Variants in RADX observed in about 807,000 individuals in gnomAD.
The protein encoded by RADX is RPA-related protein RADX.
A neutral mutation model predicts 61.6 loss-of-function variants in RADX; 36 were observed. That is an observed-to-expected ratio of 0.58 (90% CI 0.45 to 0.77). The LOEUF is 0.77. Among genes scored for constraint, RADX ranks in the 30% least tolerant of loss-of-function variants. The pLI, the probability that RADX is intolerant of heterozygous loss-of-function variation, is 0.00. For missense variants in RADX, 497 were observed against 651.1 expected (o/e 0.76, Z 2.58); for synonymous variants, 272 against 237.9 (o/e 1.14, Z -1.32).
chrX:106,631,554 C>CA (rs1211727803), intron 3 of RADX, among the ~76,000 whole-genome samples: 5 of 108,025 alleles, frequency 4.6e-5, no homozygotes, highest in Non-Finnish European at 7.7e-5. Flanking sequence ...CCAAAAATTA[C>CA]AAAAATTAGC....
At chrX:106,623,163 A>G (rs759801403) in intron 2 of RADX, among the ~76,000 whole-genome samples, 1 of 111,221 alleles carries the variant, frequency 9.0e-6, no homozygotes, top group East Asian at 2.8e-4. Flanking sequence ...TCTATTCCCT[A>G]TCTTTCTCTT....
chrX:106,643,396 T>A (rs1327959805), intron 10 of RADX, among the ~76,000 whole-genome samples: 1 of 111,357 alleles, frequency 9.0e-6, no homozygotes, highest in African/African-American at 3.3e-5. Flanking sequence ...ACTCAAGAAA[T>A]TTTTGCCCAG....
At chrX:106,655,120 A>G (rs1436588331) in intron 11 of RADX, among the ~76,000 whole-genome samples, 1 of 111,117 alleles carries the variant, frequency 9.0e-6, no homozygotes, top group Admixed American at 9.6e-5. Flanking sequence ...TACATATAAA[A>G]GTTATGTTTA....
chrX:106,621,827 T>C (rs183485271), intron 1 of RADX, among the ~76,000 whole-genome samples: 33 of 110,312 alleles, frequency 3.0e-4, no homozygotes, highest in African/African-American at 1.1e-3. Context: ...AAGGTCCTGA[T>C]ACAGGGCCAT....
At chrX:106,623,348 C>T (rs1926999073) in intron 2 of RADX, among the ~76,000 whole-genome samples, 1 of 111,850 alleles carries the variant, frequency 8.9e-6, no homozygotes, top group Non-Finnish European at 1.9e-5. Context: ...ATATAATGCT[C>T]ATGAGCTCTA....
chrX:106,668,969 G>T (rs1453185333), intron 12 of RADX, among the ~76,000 whole-genome samples, 194 bp from the exon 13 acceptor site: 1 of 111,919 alleles, frequency 8.9e-6, no homozygotes, highest in Non-Finnish European at 1.9e-5. Flanking sequence ...GGTTGCACTG[G>T]AGTGTCTACT....
chrX:106,639,278 C>T, intron 8 of RADX: 1 of 273,803 alleles, frequency 3.7e-6, no homozygotes, highest in Non-Finnish European at 6.4e-6. Context: ...ATGTAAATTG[C>T]ATTTAATATG....
At chrX:106,648,655 A>G (rs1002959101) in intron 11 of RADX, among the ~76,000 whole-genome samples, 2 of 111,404 alleles carry the variant, frequency 1.8e-5, no homozygotes, top group African/African-American at 6.5e-5. Context: ...ATAGAAGAAT[A>G]AGTAGGAAGT....
At chrX:106,667,504 TG>T (rs769464509) in intron 12 of RADX, among the ~76,000 whole-genome samples, 8 of 109,932 alleles carry the variant, frequency 7.3e-5, no homozygotes, top group Non-Finnish European at 1.1e-4. Flanking sequence ...ATTGTATTTT[TG>T]GTAGAGACAG....
At chrX:106,623,405 A>G (rs1179855214) in intron 2 of RADX, among the ~76,000 whole-genome samples, 2 of 111,432 alleles carry the variant, frequency 1.8e-5, no homozygotes, top group African/African-American at 6.5e-5. Flanking sequence ...TTAATATTAT[A>G]TTGTACTTTC....
At chrX:106,653,606 A>G (rs1212028712) in intron 11 of RADX, among the ~76,000 whole-genome samples, 1 of 109,625 alleles carries the variant, frequency 9.1e-6, no homozygotes, top group African/African-American at 3.3e-5. Context: ...TTACATAGGT[A>G]TATACGTGCC....
chrX:106,633,102 C>A lies in RADX; in HGVS notation c.1181-28C>A. ...TTCATATGTATATAACAGTTACCTT[C>A]ATTTATTTTAATATTCTATCCATAT... On this transcript the variant is annotated intron_variant, in intron 5 of 13. Transcript: ENST00000372548. 4 of 1,183,733 alleles carry A rather than the reference C, an allele frequency of 3.4e-6. No homozygotes were observed. The South Asian group carries it at 5.4e-5, about 16-fold the overall frequency.
At chrX:106,670,451 A>G (rs967764290) in intron 13 of RADX, among the ~76,000 whole-genome samples, 37 of 110,432 alleles carry the variant, frequency 3.4e-4, no homozygotes, top group Non-Finnish European at 2.1e-4. Context: ...TAGTGCCAGT[A>G]TTCTTCCAGT....
chrX:106,654,251 A>G (rs1181835933), intron 11 of RADX, among the ~76,000 whole-genome samples: 1 of 111,190 alleles, frequency 9.0e-6, no homozygotes. Context: ...ATGGTATCTC[A>G]TTATGGTTTT....
At chrX:106,630,429 G>A (rs1178662002) in intron 3 of RADX, among the ~76,000 whole-genome samples, 2 of 109,859 alleles carry the variant, frequency 1.8e-5, no homozygotes, top group Non-Finnish European at 3.8e-5. Flanking sequence ...GTAAAAGTTA[G>A]ATACATTCCT....
chrX:106,632,551 T>C, intron 3 of RADX, 74 bp from the exon 4 acceptor site: 1 of 681,463 alleles, frequency 1.5e-6, no homozygotes, highest in African/African-American at 2.2e-5. Flanking sequence ...ACTATTTTGC[T>C]TTTTAATATA....
At chrX:106,614,289 C>T (rs996876589) in intron 1 of RADX, among the ~76,000 whole-genome samples, 1 of 111,535 alleles carries the variant, frequency 9.0e-6, no homozygotes, top group African/African-American at 3.3e-5. Flanking sequence ...GAATTAATGT[C>T]GCATTGTGTG....
intron 13 of RADX, among the ~76,000 whole-genome samples, chrX:106,677,586 A>G (rs1928542570): frequency 9.1e-6 from 1 of 109,684 alleles, no homozygotes; most frequent in Non-Finnish European, 1.9e-5. Flanking sequence ...ATCCAAAGAT[A>G]AGTTTTAATT....
chrX:106,646,893 A>T (rs1927670866), intron 10 of RADX, among the ~76,000 whole-genome samples: 1 of 111,284 alleles, frequency 9.0e-6, no homozygotes, highest in African/African-American at 3.3e-5. Context: ...GCATTCATGA[A>T]ATGTTTTGAT....
Sources: gnomAD v4.1 joint callset for allele counts (sites outside exome capture counted in the v4.1 genomes callset) on GRCh38, gnomAD v4.1.1 for gene constraint, MANE v1.5 for transcripts, NCBI Gene and HGNC (gene_info 2026-07-23, HGNC 2026-07-21) for gene names.